Variants in BRWD1 observed in about 807,000 individuals in gnomAD.
BRWD1 encodes bromodomain and WD repeat domain containing 1, also known as bromodomain and WD repeat-containing protein 1.
In BRWD1, 82 loss-of-function variants were observed where a neutral mutation model predicts 251.2. The observed-to-expected ratio is 0.33, with a 90% CI of 0.27 to 0.39. BRWD1 has a LOEUF of 0.39. Ranked by LOEUF, BRWD1 falls within the 10% of genes least tolerant of loss-of-function variation. The pLI, the probability that BRWD1 is intolerant of heterozygous loss-of-function variation, is 1.00. For synonymous variants in BRWD1, 918 were observed against 902.8 expected (o/e 1.02, Z -0.30); for missense variants, 2,233 against 2,711.6 (o/e 0.82, Z 3.92).
chr21:39,281,483 C>A (rs957648483), intron 8 of BRWD1, among the ~76,000 whole-genome samples: 1 of 151,990 alleles, frequency 6.6e-6, no homozygotes, highest in Non-Finnish European at 1.5e-5. Flanking sequence ...TTGCTTGAGT[C>A]CAAGAGTTCA....
intron 4 of BRWD1, among the ~76,000 whole-genome samples, chr21:39,312,296 C>G (rs2036512489): frequency 2.0e-5 from 3 of 152,230 alleles, no homozygotes; most frequent in Non-Finnish European, 4.4e-5. Flanking sequence ...TAGAAAGGAG[C>G]ACAAGCACTA....
intron 11 of BRWD1, among the ~76,000 whole-genome samples, chr21:39,276,818 C>T (rs2035295278): frequency 6.6e-6 from 1 of 152,106 alleles, no homozygotes; most frequent in African/African-American, 2.4e-5. Flanking sequence ...AGATTTTGAA[C>T]ATAAAGCTAA....
intron 18 of BRWD1, 77 bp downstream of exon 18, chr21:39,258,410 T>C: frequency 2.4e-6 from 3 of 1,242,616 alleles, no homozygotes; most frequent in Non-Finnish European, 3.3e-6. Context: ...ACATTACATG[T>C]ACCTGACAAA....
At chr21:39,242,416 G>A (rs1243681194) in intron 21 of BRWD1, among the ~76,000 whole-genome samples, 3 of 152,180 alleles carry the variant, frequency 2.0e-5, no homozygotes, top group Non-Finnish European at 4.4e-5. Context: ...AGAAAAGATG[G>A]AAACTTGCAG....
chr21:39,196,553 A>G lies in BRWD1; in HGVS notation c.6516T>C (p.Asp2172=), dbSNP rs768569737. The change falls in exon 41 of 41, where the codon GAT becomes GAC. Residue 2172 remains aspartate (D), a synonymous_variant. Coordinates refer to ENST00000342449, the MANE Select transcript of BRWD1 (RefSeq NM_033656.4). ...TTTTCCTCCTTTTGGTTTTTGTATT[A>G]TCAGTACAGTCAATATCTGATTCAG... ...SVTESDIDCT[D]NTKTKRRKTK... is the part of the protein sequence containing the mutation. 1.2e-4 allele frequency: 200 copies of G among 1,613,510 alleles called. No individual in the cohort carries two copies. Among genetic ancestry groups the G allele is most frequent in the Middle Eastern group, 3.3e-4 (2 of 6,084 alleles).
At chr21:39,307,974 A>G (rs1018765445) in intron 4 of BRWD1, among the ~76,000 whole-genome samples, 2 of 152,170 alleles carry the variant, frequency 1.3e-5, no homozygotes, top group Non-Finnish European at 2.9e-5. Flanking sequence ...CAGTCTAGCA[A>G]TATAGCAGTG....
intron 37 of BRWD1, among the ~76,000 whole-genome samples, chr21:39,205,811 G>A (rs1322366713): frequency 6.6e-6 from 1 of 151,994 alleles, no homozygotes; most frequent in Non-Finnish European, 1.5e-5. Context: ...TGGGCGTGGT[G>A]GCTCACACCT....
At chr21:39,210,244 G>A in intron 35 of BRWD1, 97 bp from the exon 36 acceptor site, 1 of 1,068,192 alleles carries the variant, frequency 9.4e-7, no homozygotes, top group Non-Finnish European at 1.3e-6. Context: ...TGATGGAAGA[G>A]AGGAAAAGGT....
At chr21:39,214,197 C>A (rs1047395797) in intron 32 of BRWD1, among the ~76,000 whole-genome samples, 1 of 152,026 alleles carries the variant, frequency 6.6e-6, no homozygotes, top group African/African-American at 2.4e-5. Flanking sequence ...AAAACGATGG[C>A]ACTGTTTCTA....
Position 39,313,600 on chromosome 21 carries a change from G to A in BRWD1, c.-109C>T. 5 of 854,034 alleles carry A rather than the reference G, an allele frequency of 5.9e-6. No homozygotes were observed. The highest frequency in any genetic ancestry group is 4.3e-5 in the South Asian group (1 of 23,290). 52.9% of individuals were successfully genotyped at this position (854,034 alleles called of 1,614,324 possible). A position where few individuals can be genotyped will look rare whatever the true frequency, so the allele number is the denominator to read the frequency against. ...CTCTTCTCAGGCGCGCGCCGCCGCC[G>A]CCGCCGCCGCCGCCATACCGTGCGC... On this transcript the variant is annotated 5_prime_UTR_variant, in exon 1 of 41. Coordinates refer to ENST00000342449, the MANE Select transcript of BRWD1 (RefSeq NM_033656.4).
At chr21:39,273,624 A>G (rs889899449) in intron 13 of BRWD1, among the ~76,000 whole-genome samples, 11 of 152,120 alleles carry the variant, frequency 7.2e-5, no homozygotes, top group Non-Finnish European at 1.5e-4. Flanking sequence ...AGTCCCAGCT[A>G]CTTGGAAGGC....
intron 31 of BRWD1, among the ~76,000 whole-genome samples, chr21:39,215,718 C>G (rs866117593): frequency 6.6e-6 from 1 of 152,082 alleles, no homozygotes; most frequent in Non-Finnish European, 1.5e-5. Context: ...GCTGGCCCAG[C>G]AAGCTGGGAT....
intron 36 of BRWD1, among the ~76,000 whole-genome samples, chr21:39,208,419 T>C (rs2032508121): frequency 6.6e-6 from 1 of 152,220 alleles, no homozygotes; most frequent in South Asian, 2.1e-4. Flanking sequence ...GAGGCAGTAA[T>C]GCAGGAGGAG....
chr21:39,251,229 G>A (rs1487816241), intron 19 of BRWD1, among the ~76,000 whole-genome samples: 1 of 152,038 alleles, frequency 6.6e-6, no homozygotes, highest in Non-Finnish European at 1.5e-5. Flanking sequence ...AATAAGCAGA[G>A]TCTGCCTTCT....
chr21:39,313,636 C>G (rs545899093), upstream of BRWD1: 2 of 526,162 alleles, frequency 3.8e-6, no homozygotes, highest in South Asian at 5.5e-5. Flanking sequence ...GCCGCCTGGA[C>G]CGACGCCTCC....
At chr21:39,277,493 T>A in intron 10 of BRWD1, 142 bp from the exon 11 acceptor site, 1 of 516,568 alleles carries the variant, frequency 1.9e-6, no homozygotes, top group Non-Finnish European at 3.2e-6. Flanking sequence ...TCTGACTCAC[T>A]ATATAGAGGT....
rs1379529313 is a variant in BRWD1, at chr21:39,295,845, T to C, written c.507A>G (p.Pro169=). 1.2e-6 allele frequency: 2 copies of C among 1,609,814 alleles called. No individual in the cohort carries two copies. Among genetic ancestry groups the C allele is most frequent in the Non-Finnish European group, 1.7e-6 (2 of 1,177,478 alleles). The change falls in exon 7 of 41, where the codon CCA becomes CCG. Residue 169 remains proline (P), a synonymous_variant. Coordinates refer to ENST00000342449, the MANE Select transcript of BRWD1 (RefSeq NM_033656.4). ...TTTTTATATGCTGATACATAGTTCCTGGAAATGCTGTACTAAAAGTGGAAC... is the reference window on the plus strand; with the variant it reads ...TTTTTATATGCTGATACATAGTTCCCGGAAATGCTGTACTAAAAGTGGAAC... ...TGCSTFSTAF[P]GTMYQHIKMH...
intron 4 of BRWD1, among the ~76,000 whole-genome samples, chr21:39,312,003 G>C (rs1432688320): frequency 6.6e-6 from 1 of 152,082 alleles, no homozygotes. Flanking sequence ...GCTGAATATG[G>C]CCTGGCAATT....
In BRWD1 at chr21:39,295,814, T is replaced by C; in HGVS notation, c.538A>G (p.Arg180Gly). Reference protein sequence around the residue: ...GTMYQHIKMHRRILGHLSAVY... With the variant: ...GTMYQHIKMHGRILGHLSAVY... ...GCAGATAGATGTCCGAGAATCCTTC[T>C]GTGCATTTTTATATGCTGATACATA... Residue 180 changes from arginine (R) to glycine (G), a missense_variant, in exon 7 of 41, where the codon AGA becomes GGA. Around this residue, in one of 12 missense-constraint regions of BRWD1, gnomAD observed 185 missense variants for 260.6 expected, o/e 0.71. Coordinates refer to ENST00000342449, the MANE Select transcript of BRWD1 (RefSeq NM_033656.4). 1.2e-6 allele frequency: 2 copies of C among 1,612,670 alleles called. No individual in the cohort carries two copies. The highest frequency in any genetic ancestry group is 1.7e-6 in the Non-Finnish European group (2 of 1,179,088).
Sources: gnomAD v4.1 joint callset for allele counts (sites outside exome capture counted in the v4.1 genomes callset) on GRCh38, gnomAD v4.1.1 for gene constraint, gnomAD v4.1.1 regional missense constraint, MANE v1.5 for transcripts, NCBI Gene and HGNC (gene_info 2026-07-23, HGNC 2026-07-21) for gene names.